Variants in ATP10B observed in about 807,000 individuals in gnomAD.
ATP10B encodes the protein phospholipid-transporting ATPase VB.
ATP10B carries 122 observed loss-of-function variants against 141.2 expected under a neutral mutation model. The ratio of observed to expected loss-of-function variants is 0.86; its 90% confidence interval spans 0.75 to 1.00. The LOEUF (loss-of-function observed/expected upper bound fraction) is 1.00. Among genes scored for constraint, ATP10B ranks in the 50% least tolerant of loss-of-function variants. The pLI, the probability that ATP10B is intolerant of heterozygous loss-of-function variation, is 0.00. For synonymous variants in ATP10B, 685 were observed against 692.0 expected, an observed-to-expected ratio of 0.99 and a Z score of 0.16; for missense variants, 1,876 against 1,825.3, an observed-to-expected ratio of 1.03 and a Z score of -0.51.
the ATP10B span, among the ~76,000 whole-genome samples, chr5:160,925,646 C>A: frequency 6.6e-6 from 1 of 152,206 alleles, no homozygotes; most frequent in African/African-American, 2.4e-5. Flanking sequence ...ACAGTAGCTG[C>A]AAATTCTCCT....
chr5:160,878,689 G>A, the ATP10B span, among the ~76,000 whole-genome samples: 4 of 152,116 alleles, frequency 2.6e-5, no homozygotes, highest in African/African-American at 9.7e-5. Flanking sequence ...AAATTTACAA[G>A]AACAAAACAA....
intron 1 of ATP10B, among the ~76,000 whole-genome samples, chr5:160,810,254 A>G (rs933682766): frequency 2.0e-5 from 3 of 152,016 alleles, no homozygotes; most frequent in African/African-American, 7.2e-5. Flanking sequence ...TGGAAATTTC[A>G]GGCATTAATT....
chr5:160,677,814 C>G (rs1763127183), intron 6 of ATP10B, among the ~76,000 whole-genome samples: 1 of 152,198 alleles, frequency 6.6e-6, no homozygotes, highest in South Asian at 2.1e-4. Context: ...TTCAGATAGC[C>G]CTGGCAAAGC....
At chr5:160,664,528 T>A (rs1235771814) in intron 7 of ATP10B, among the ~76,000 whole-genome samples, 2 of 152,226 alleles carry the variant, frequency 1.3e-5, no homozygotes, top group African/African-American at 4.8e-5. Context: ...TACATATGAT[T>A]ATTACGTTGA....
At chr5:160,628,796 AT>A (rs559535418) in intron 13 of ATP10B, among the ~76,000 whole-genome samples, 33 of 152,080 alleles carry the variant, frequency 2.2e-4, no homozygotes, top group African/African-American at 8.0e-4. Flanking sequence ...AACCCATTTC[AT>A]TTTCCATCTG....
At chr5:160,768,996 T>A (rs1188331483) in intron 2 of ATP10B, among the ~76,000 whole-genome samples, 1 of 152,172 alleles carries the variant, frequency 6.6e-6, no homozygotes, top group African/African-American at 2.4e-5. Context: ...GTCTTCCCCA[T>A]GTCATGGAAA....
At chr5:160,618,495 T>C (rs1159132713) in intron 15 of ATP10B, among the ~76,000 whole-genome samples, 1 of 152,246 alleles carries the variant, frequency 6.6e-6, no homozygotes, top group Non-Finnish European at 1.5e-5. Flanking sequence ...CTGGATCTCA[T>C]TAGCTAAGTT....
At chr5:160,874,218 TCCCTGAC>T in the ATP10B span, among the ~76,000 whole-genome samples, 760 of 151,744 alleles carry the variant, frequency 5.0e-3, 2 homozygotes, top group African/African-American at 0.018. Context: ...CTCAAGTGGG[TCCCTGAC>T]CCCTGACCCC....
At chr5:160,800,914 C>T (rs1332073139) in intron 1 of ATP10B, among the ~76,000 whole-genome samples, 1 of 152,158 alleles carries the variant, frequency 6.6e-6, no homozygotes, top group Non-Finnish European at 1.5e-5. Context: ...CCTGCAGGGC[C>T]CTTCCACCCA....
At chr5:160,780,749 T>TA (rs1770663230) in intron 2 of ATP10B, among the ~76,000 whole-genome samples, 2 of 152,216 alleles carry the variant, frequency 1.3e-5, no homozygotes, top group Non-Finnish European at 2.9e-5. Flanking sequence ...CTCAGGTCTA[T>TA]AAATTGAGAT....
chr5:160,620,896 G>T lies in ATP10B; in HGVS notation c.1867C>A (p.Gln623Lys). Residue 623 changes from glutamine to lysine, a missense_variant, in exon 15 of 26, where the codon CAG (glutamine) becomes AAG (lysine). Physicochemically the swap from Gln to Lys is moderately conservative, Grantham distance 53 (BLOSUM62 1). Coordinates refer to ENST00000327245, the MANE Select transcript of ATP10B (RefSeq NM_025153.3). ...ALGTSLEKIQ[Q>K]LFQKLKLLSL... Reference sequence around the variant, plus strand: ...AATAGCTTCAACTTCTGGAAGAGCTGCTGAATCTTCTCCAGGGACGTCCCC... The same window carrying T: ...AATAGCTTCAACTTCTGGAAGAGCTTCTGAATCTTCTCCAGGGACGTCCCC... The T allele has an allele frequency of 1.2e-6, 2 of 1,614,194 alleles. No individual in the cohort carries two copies. Among genetic ancestry groups the T allele is most frequent in the Non-Finnish European group, 1.7e-6 (2 of 1,180,036 alleles).
Position 160,844,550 on chromosome 5 carries a change from G to GTT in ATP10B, c.-576+7389_-576+7390dup, listed in dbSNP as rs35139185. ...GTCCCAATAACTTAATAAATACTTTGTTTTTTTTTTTTTGAGAAACAGTGT... is the reference window on the plus strand; with the variant it reads ...GTCCCAATAACTTAATAAATACTTTGTTTTTTTTTTTTTTTGAGAAACAGTGT... On this transcript the variant is annotated intron_variant, in intron 1 of 25. Coordinates refer to ENST00000327245, the MANE Select transcript of ATP10B (RefSeq NM_025153.3). Among the ~76,000 whole-genome samples the GTT allele has an allele frequency of 6.7e-3, 958 of 143,384 alleles. 13 individuals carry two copies. Among genetic ancestry groups the GTT allele is most frequent in the African/African-American group, 0.022 (886 of 39,486 alleles). 94.1% of individuals were successfully genotyped at this position (143,384 alleles called of 152,430 possible). A position where few individuals can be genotyped will look rare whatever the true frequency, so the allele number is the denominator to read the frequency against.
At chr5:160,798,169 C>A (rs1048374947) in intron 1 of ATP10B, among the ~76,000 whole-genome samples, 3 of 151,844 alleles carry the variant, frequency 2.0e-5, no homozygotes, top group Non-Finnish European at 4.4e-5. Context: ...TTCAAAGGGA[C>A]TAAGGTGGGA....
At chr5:160,885,190 G>A in the ATP10B span, among the ~76,000 whole-genome samples, 20 of 152,230 alleles carry the variant, frequency 1.3e-4, no homozygotes, top group South Asian at 4.1e-4. Flanking sequence ...GAATGAATAA[G>A]TAAACAGAGA....
the ATP10B span, among the ~76,000 whole-genome samples, chr5:160,889,332 C>A: frequency 6.6e-6 from 1 of 152,190 alleles, no homozygotes; most frequent in East Asian, 1.9e-4. Flanking sequence ...GGTCTTTACT[C>A]TTCAAGGTAA....
chr5:160,620,233 T>C, intron 15 of ATP10B, 114 bp downstream of exon 15: 12 of 1,357,818 alleles, frequency 8.8e-6, no homozygotes, highest in Middle Eastern at 2.5e-4. Context: ...TGTATTCCAG[T>C]TGGGACCTGC....
intron 1 of ATP10B, among the ~76,000 whole-genome samples, chr5:160,822,380 T>A (rs1322852375): frequency 1.3e-5 from 2 of 152,032 alleles, no homozygotes; most frequent in African/African-American, 4.8e-5. Flanking sequence ...GGCAAGGATA[T>A]GAAGAAAAGG....
chr5:160,892,267 G>A, the ATP10B span, among the ~76,000 whole-genome samples: 1 of 152,122 alleles, frequency 6.6e-6, no homozygotes, highest in East Asian at 1.9e-4. Flanking sequence ...GTATTCTCAG[G>A]CCTCTCCCAA....
At chr5:160,598,641 T>C in intron 22 of ATP10B, 129 bp downstream of exon 22, 1 of 814,994 alleles carries the variant, frequency 1.2e-6, no homozygotes, top group Non-Finnish European at 2.0e-6. Flanking sequence ...TCAAAGTAAA[T>C]GATGGAACAG....
Sources: gnomAD v4.1 joint callset for allele counts (sites outside exome capture counted in the v4.1 genomes callset) on GRCh38, gnomAD v4.1.1 for gene constraint, MANE v1.5 for transcripts, NCBI Gene and HGNC (gene_info 2026-07-23, HGNC 2026-07-21) for gene names.